Variants in CARS1 observed in about 807,000 individuals in gnomAD.
CARS1 encodes cysteinyl-tRNA synthetase 1, also known as cysteine--tRNA ligase, cytoplasmic.
A neutral mutation model predicts 106.2 loss-of-function variants in CARS1; 48 were observed. The observed-to-expected ratio is 0.45, with a 90% CI of 0.36 to 0.57. The LOEUF (loss-of-function observed/expected upper bound fraction) is 0.57, where lower values mean the gene tolerates loss of function less well. Ranked by LOEUF, CARS1 falls within the 20% of genes least tolerant of loss-of-function variation. The probability of loss-of-function intolerance (pLI) is 0.00; values close to 1 mark genes in which losing one functional copy is unlikely to be tolerated. For synonymous variants in CARS1, 409 were observed against 403.4 expected (o/e 1.01, Z -0.17); for missense variants, 968 against 1,057.2 (o/e 0.92, Z 1.17).
intron 18 of CARS1, among the ~76,000 whole-genome samples, chr11:3,011,402 G>A (rs540128265): frequency 1.5e-4 from 23 of 151,242 alleles, no homozygotes; most frequent in African/African-American, 3.9e-4. Flanking sequence ...TCAGGAGATC[G>A]AGACCATCCT....
At chr11:3,018,588 T>C (rs376470354) in intron 13 of CARS1, 32 bp downstream of exon 13, 135 of 1,613,238 alleles carry the variant, frequency 8.4e-5, no homozygotes, top group South Asian at 1.2e-4. Flanking sequence ...GAGAAGGTGG[T>C]TGGGGGGTCT....
rs1192400373 is a variant in CARS1 at position 3,004,827 on chromosome 11, GC to G, written c.2217+538del. On this transcript the variant is annotated intron_variant, in intron 20 of 22. Transcript: ENST00000380525. The surrounding 1 kb of genome is among the most constrained non-coding windows in gnomAD (Gnocchi z 5.2). ...TGGGATCTTAACATGTCAGCTTCGG[GC>G]CAGGCGTGGTGGCTCAAGCCTGTAA... 6.6e-6 allele frequency among the ~76,000 whole-genome samples: 1 copy of G among 152,140 alleles called. No individual in the cohort carries two copies. Among genetic ancestry groups the G allele is most frequent in the African/African-American group, 2.4e-5 (1 of 41,434 alleles).
intron 21 of CARS1, chr11:3,002,305 G>A (rs371473739): frequency 1.0e-5 from 7 of 690,466 alleles, no homozygotes; most frequent in Admixed American, 5.7e-5. Flanking sequence ...GTCTATAAAC[G>A]CTGTCTTGGA....
At chr11:3,011,487 G>A (rs1027062859) in intron 18 of CARS1, among the ~76,000 whole-genome samples, 1 of 151,952 alleles carries the variant, frequency 6.6e-6, no homozygotes, top group Non-Finnish European at 1.5e-5. Flanking sequence ...GGTGGCAGGC[G>A]CCTGTAGTCC....
At chr11:3,006,433 G>A (rs1346496944) in intron 19 of CARS1, among the ~76,000 whole-genome samples, 1 of 152,192 alleles carries the variant, frequency 6.6e-6, no homozygotes, top group African/African-American at 2.4e-5. Context: ...GCGACAGAGC[G>A]AAACTCTGTC....
In CARS1 at chr11:3,053,316, T is replaced by C. The variant is rs1443318926; in HGVS notation, c.25+4027A>G. Among the ~76,000 whole-genome samples the C allele has an allele frequency of 2.1e-4, 32 of 152,088 alleles. No individual in the cohort carries two copies. Among genetic ancestry groups the C allele is most frequent in the Non-Finnish European group, 5.9e-5 (4 of 68,002 alleles). On this transcript the variant is annotated intron_variant, in intron 1 of 22. Coordinates refer to ENST00000380525, the MANE Select transcript of CARS1 (RefSeq NM_001014437.3). This position sits in a 1 kb window ranked among gnomAD's most constrained non-coding sequence, Gnocchi z 6.6. ...CATGATCTCGGCTCACTGCAAACTC[T>C]GCCTCCCGGGTTCAAGCGATTCTCC... is the stretch of plus-strand genomic sequence containing the variant.
rs140696183 is a variant in CARS1 at position 3,053,867 on chromosome 11, T to C, written c.25+3476A>G. Reference sequence around the variant, plus strand: ...CTGACCCTTTGCCCTCTGACCCTGCTACTTCAAAGGTCCCACCAGGGTCCT... The same window carrying C: ...CTGACCCTTTGCCCTCTGACCCTGCCACTTCAAAGGTCCCACCAGGGTCCT... On this transcript the variant is annotated intron_variant, in intron 1 of 22. Coordinates refer to ENST00000380525, the MANE Select transcript of CARS1 (RefSeq NM_001014437.3). This position sits in a 1 kb window ranked among gnomAD's most constrained non-coding sequence, Gnocchi z 6.6. Among the ~76,000 whole-genome samples, 144 of 152,276 alleles carry C rather than the reference T, an allele frequency of 9.5e-4. No individual in the cohort carries two copies. Among genetic ancestry groups the C allele is most frequent in the African/African-American group, 3.4e-3 (141 of 41,552 alleles).
chr11:3,042,053 C>T (rs888786548), intron 3 of CARS1, 112 bp downstream of exon 3: 6 of 717,872 alleles, frequency 8.4e-6, no homozygotes, highest in Admixed American at 2.6e-5. Flanking sequence ...TATGGAACTC[C>T]AGATCCCAAC....
intron 10 of CARS1, among the ~76,000 whole-genome samples, chr11:3,023,665 A>G (rs1176763696): frequency 6.7e-6 from 1 of 150,252 alleles, no homozygotes; most frequent in Non-Finnish European, 1.5e-5. Context: ...AAAGTGCTGA[A>G]TTATAGGCAT....
chr11:3,004,641 A>G lies in CARS1; in HGVS notation c.2217+725T>C, dbSNP rs766368827. On this transcript the variant is annotated intron_variant, in intron 20 of 22. Transcript: ENST00000380525. The surrounding 1 kb of genome is among the most constrained non-coding windows in gnomAD (Gnocchi z 5.2). Reference sequence around the variant, plus strand: ...ATGCGCTGTGCCCAGAGATTCTGACATTGCGTTTTTGTTCCTGTTCTTCTG... The same window carrying G: ...ATGCGCTGTGCCCAGAGATTCTGACGTTGCGTTTTTGTTCCTGTTCTTCTG... Among the ~76,000 whole-genome samples, 1 of 152,132 alleles carries G rather than the reference A, an allele frequency of 6.6e-6. No homozygotes were observed. The highest frequency in any genetic ancestry group is 1.5e-5 in the Non-Finnish European group (1 of 68,010).
At position 3,001,979 on chromosome 11, in the gene CARS1, A is replaced by C. The variant is rs762175126; in HGVS notation, c.2352T>G (p.Phe784Leu). ...ATGCTTACATGCTTACATTTTCATC[A>C]AACTTGGAGTATTTGTCGGTTTCTG... ...FLSETDKYSK[F>L]DENGLPTHDM... Residue 784 changes from phenylalanine to leucine, a missense_variant, in exon 22 of 23, where the codon TTT (phenylalanine) becomes TTG (leucine). Phe to Leu is a conservative substitution (Grantham distance 22). Transcript: ENST00000380525. The C allele has an allele frequency of 6.2e-7, 1 of 1,611,986 alleles. No individual in the cohort carries two copies. Among genetic ancestry groups the C allele is most frequent in the East Asian group, 2.2e-5 (1 of 44,880 alleles).
intron 22 of CARS1, 126 bp from the exon 23 acceptor site, chr11:3,001,374 A>G (rs1849389882): frequency 1.8e-6 from 2 of 1,094,528 alleles, no homozygotes; most frequent in East Asian, 2.5e-5. Flanking sequence ...TTGCTTGGAC[A>G]TTCAGTCACC....
In CARS1 at chr11:3,038,020, G is replaced by A. The variant is rs754169446; in HGVS notation, c.801+30C>T. 22 of 1,597,062 alleles carry A rather than the reference G, an allele frequency of 1.4e-5. No homozygotes were observed. Among genetic ancestry groups the A allele is most frequent in the Admixed American group, 3.4e-5 (2 of 58,600 alleles). ...GCACGGCCCGACATTTGACCCGAAC[G>A]GGCTGTCTGGGAGATGTGTGAAGCC... On this transcript the variant is annotated intron_variant, in intron 7 of 22. Transcript: ENST00000380525. This position sits in a 1 kb window ranked among gnomAD's most constrained non-coding sequence, Gnocchi z 4.0.
Position 3,020,127 on chromosome 11 carries a change from C to A in CARS1, c.1266+93G>T. On this transcript the variant is annotated intron_variant, in intron 11 of 22. Transcript: ENST00000380525. The surrounding 1 kb of genome is among the most constrained non-coding windows in gnomAD (Gnocchi z 4.6). Reference sequence around the variant, plus strand: ...GCTCTGGCCCAGTGACAACATCCTTCACACACAGAGCGGCCCTCTGCTGGG... The same window carrying A: ...GCTCTGGCCCAGTGACAACATCCTTAACACACAGAGCGGCCCTCTGCTGGG... 1 of 803,432 alleles carries A rather than the reference C, an allele frequency of 1.2e-6. No homozygotes were observed. Among genetic ancestry groups the A allele is most frequent in the Admixed American group, 1.8e-5 (1 of 55,358 alleles). The allele number at this position is 803,432 out of a possible 1,614,324, so 49.8% of individuals were successfully genotyped here. A position where few individuals can be genotyped will look rare whatever the true frequency, so the allele number is the denominator to read the frequency against.
At chr11:3,011,885 T>C (rs1460771749) in intron 18 of CARS1, among the ~76,000 whole-genome samples, 1 of 152,162 alleles carries the variant, frequency 6.6e-6, no homozygotes, top group Non-Finnish European at 1.5e-5. Flanking sequence ...CTGCCTCGGC[T>C]CAGAGAAGGA....
At chr11:3,047,659 T>C in intron 2 of CARS1, 94 bp downstream of exon 2, 1 of 1,488,632 alleles carries the variant, frequency 6.7e-7, no homozygotes, top group Non-Finnish European at 9.0e-7. Flanking sequence ...CTCTGGGGTA[T>C]CCGCAGACGC....
chr11:3,036,254 G>A (rs969437527), intron 7 of CARS1, among the ~76,000 whole-genome samples: 4 of 152,214 alleles, frequency 2.6e-5, no homozygotes, highest in African/African-American at 7.2e-5. Context: ...ATGATAACTC[G>A]ATGCCGAGTC....
chr11:3,036,813 C>T (rs1476023184), intron 7 of CARS1, among the ~76,000 whole-genome samples: 1 of 152,078 alleles, frequency 6.6e-6, no homozygotes, highest in African/African-American at 2.4e-5. Context: ...AAATGTGGCC[C>T]ATCTATACAC....
At chr11:3,015,648 T>C (rs980668428) in intron 17 of CARS1, 133 bp downstream of exon 17, 20 of 770,594 alleles carry the variant, frequency 2.6e-5, no homozygotes, top group Admixed American at 1.0e-4. Flanking sequence ...AGAATTGCCA[T>C]TTAGCTCGAG....
Sources: gnomAD v4.1 joint callset for allele counts (sites outside exome capture counted in the v4.1 genomes callset) on GRCh38, gnomAD v4.1.1 for gene constraint, Gnocchi (gnomAD v3.1) non-coding constraint, MANE v1.5 for transcripts, NCBI Gene and HGNC (gene_info 2026-07-23, HGNC 2026-07-21) for gene names.